The following MCM9 variants were observed in gnomAD, a reference collection of about 807,000 sequenced individuals.
MCM9 encodes minichromosome maintenance 9 homologous recombination repair factor.
MCM9 carries 55 observed loss-of-function variants against 72.8 expected under a neutral mutation model. The ratio of observed to expected loss-of-function variants is 0.76; its 90% CI spans 0.61 to 0.95. The LOEUF (loss-of-function observed/expected upper bound fraction) is 0.95, where lower values mean the gene tolerates loss of function less well. MCM9 is among the 40% of genes least tolerant of loss of function. The pLI, the probability that MCM9 is intolerant of heterozygous loss-of-function variation, is 0.00. For missense variants in MCM9, 1,279 were observed against 1,377.0 expected (o/e 0.93, Z 1.13); for synonymous variants, 480 against 503.4 (o/e 0.95, Z 0.62).
At chr6:118,849,834 C>G (rs1032003256) in intron 9 of MCM9, among the ~76,000 whole-genome samples, 1 of 151,682 alleles carries the variant, frequency 6.6e-6, no homozygotes, top group East Asian at 1.9e-4. Context: ...AGGGGAGATG[C>G]ATAAACAGGC....
At chr6:118,885,992 C>T (rs899146614) in intron 8 of MCM9, among the ~76,000 whole-genome samples, 1 of 151,436 alleles carries the variant, frequency 6.6e-6, no homozygotes, top group Non-Finnish European at 1.5e-5. Flanking sequence ...TCCAGGAATG[C>T]AAGGTTCATT....
intron 4 of MCM9, among the ~76,000 whole-genome samples, chr6:118,923,285 A>ATTT (rs551029225): frequency 1.4e-5 from 2 of 144,942 alleles, no homozygotes; most frequent in East Asian, 2.0e-4. Flanking sequence ...CTCCAATGTG[A>ATTT]TTTTTTTTTT....
chr6:118,849,131 A>G (rs1776070382), intron 9 of MCM9, among the ~76,000 whole-genome samples: 1 of 151,926 alleles, frequency 6.6e-6, no homozygotes, highest in Non-Finnish European at 1.5e-5. Flanking sequence ...AAGGCTAAAC[A>G]TAAAGAAATG....
At chr6:118,903,906 C>T (rs773516980) in intron 8 of MCM9, among the ~76,000 whole-genome samples, 9 of 152,092 alleles carry the variant, frequency 5.9e-5, no homozygotes, top group East Asian at 3.9e-4. Context: ...ATTATCACCA[C>T]GTTTTAAAGA....
chr6:118,889,563 C>T (rs574331520), intron 8 of MCM9, among the ~76,000 whole-genome samples: 1 of 152,208 alleles, frequency 6.6e-6, no homozygotes, highest in Non-Finnish European at 1.5e-5. Flanking sequence ...TATTATAAAA[C>T]ATGAAGGAAG....
chr6:118,849,896 T>C (rs900837538), intron 9 of MCM9, among the ~76,000 whole-genome samples: 1 of 151,668 alleles, frequency 6.6e-6, no homozygotes, highest in East Asian at 1.9e-4. Context: ...AAAAGAAACA[T>C]AGGAAGGACA....
At chr6:118,879,689 A>G (rs1293675970) in intron 8 of MCM9, among the ~76,000 whole-genome samples, 1 of 152,058 alleles carries the variant, frequency 6.6e-6, no homozygotes, top group Non-Finnish European at 1.5e-5. Flanking sequence ...AAGGATGCCA[A>G]TTCTTGATCT....
At chr6:118,873,796 A>G (rs1444534096) in intron 8 of MCM9, among the ~76,000 whole-genome samples, 2 of 152,242 alleles carry the variant, frequency 1.3e-5, no homozygotes, top group African/African-American at 4.8e-5. Context: ...CATTACCTTA[A>G]TACCACACCA....
At chr6:118,861,921 G>A (rs899090922) in intron 8 of MCM9, among the ~76,000 whole-genome samples, 2 of 152,146 alleles carry the variant, frequency 1.3e-5, no homozygotes, top group African/African-American at 4.8e-5. Flanking sequence ...TGCCATCCAT[G>A]TTGCCCAGGC....
intron 8 of MCM9, among the ~76,000 whole-genome samples, chr6:118,861,658 C>T (rs1776912337): frequency 6.6e-6 from 1 of 152,180 alleles, no homozygotes; most frequent in South Asian, 2.1e-4. Context: ...GGCAGGTTGA[C>T]CTGATGAGTG....
At chr6:118,921,771 A>T (rs1248710701) in intron 5 of MCM9, 1 of 376,318 alleles carries the variant, frequency 2.7e-6, no homozygotes, top group Non-Finnish European at 4.8e-6. Context: ...GTGACCTTAG[A>T]CAAGTCAGGT....
intron 8 of MCM9, among the ~76,000 whole-genome samples, chr6:118,909,988 A>G (rs1780423088): frequency 6.6e-6 from 1 of 151,870 alleles, no homozygotes; most frequent in African/African-American, 2.4e-5. Flanking sequence ...GCGGTGGTGC[A>G]CATCTGTAAT....
chr6:118,929,738 CA>C (rs1403775637), intron 3 of MCM9, among the ~76,000 whole-genome samples: 1 of 152,068 alleles, frequency 6.6e-6, no homozygotes, highest in Non-Finnish European at 1.5e-5. Context: ...TTTGGGAGGC[CA>C]GAGGAGGAGG....
At chr6:118,874,307 C>T (rs897922494) in intron 8 of MCM9, among the ~76,000 whole-genome samples, 3 of 151,978 alleles carry the variant, frequency 2.0e-5, no homozygotes, top group East Asian at 1.9e-4. Flanking sequence ...GTTGATAAAA[C>T]GGCCTAACAA....
rs965760750 is a variant in MCM9, at chr6:118,814,630, G to A, written c.*194C>T. 3.1e-5 allele frequency: 15 copies of A among 487,604 alleles called. No individual in the cohort carries two copies. The highest frequency in any genetic ancestry group is 2.9e-4 in the African/African-American group (15 of 51,098). 30.2% of individuals were successfully genotyped at this position (487,604 alleles called of 1,614,324 possible). On this transcript the variant is annotated 3_prime_UTR_variant, in exon 14 of 14. Transcript: ENST00000619706. ...TCAGCTCAGCTGCTGGTATCACACT[G>A]ACCTCAACTGATTATACAACTTTTT...
chr6:118,827,660 T>G (rs1774251961), intron 11 of MCM9, among the ~76,000 whole-genome samples: 1 of 151,912 alleles, frequency 6.6e-6, no homozygotes, highest in Non-Finnish European at 1.5e-5. Flanking sequence ...AAGTAAGGCT[T>G]TCTAAGTGAA....
intron 9 of MCM9, among the ~76,000 whole-genome samples, chr6:118,847,711 A>G (rs1405246075): frequency 6.6e-6 from 1 of 151,884 alleles, no homozygotes; most frequent in African/African-American, 2.4e-5. Flanking sequence ...GGATAAAAGA[A>G]TACATGTCAA....
chr6:118,930,541 C>T (rs1022709), intron 3 of MCM9, among the ~76,000 whole-genome samples: 88,264 of 152,078 alleles, frequency 0.58, 26,161 homozygotes, highest in East Asian at 0.69. Context: ...TAATTTGTAC[C>T]AGCCTTTATT....
In MCM9 at chr6:118,826,159, C is replaced by T; in HGVS notation, c.1949G>A (p.Arg650Lys). 1 of 1,550,140 alleles carries T rather than the reference C, an allele frequency of 6.5e-7. No individual in the cohort carries two copies. ...ELQSLLSEEL[R>K]RLERLQNQSV... ...TTTCATTCCTCACCTTTCAAGTCTT[C>T]TAAGCTCTTCACTCAAGAGGCTCTG... Residue 650 changes from arginine (R) to lysine (K), a missense_variant, in exon 13 of 14, where the codon AGA becomes AAA. Transcript: ENST00000619706.
Sources: gnomAD v4.1 joint callset for allele counts (sites outside exome capture counted in the v4.1 genomes callset) on GRCh38, gnomAD v4.1.1 for gene constraint, MANE v1.5 for transcripts, NCBI Gene and HGNC (gene_info 2026-07-23, HGNC 2026-07-21) for gene names.